The following PDZD8 variants were observed in gnomAD, a reference collection of about 807,000 sequenced individuals.
The protein encoded by PDZD8 is PDZ domain-containing protein 8.
A neutral mutation model predicts 85.8 loss-of-function variants in PDZD8; 14 were observed. The ratio of observed to expected loss-of-function variants is 0.16; its 90% CI spans 0.11 to 0.26. The LOEUF (loss-of-function observed/expected upper bound fraction) is 0.26, where lower values mean the gene tolerates loss of function less well. Ranked by LOEUF, PDZD8 falls within the 10% of genes least tolerant of loss-of-function variation. PDZD8 has a pLI of 1.00. For synonymous variants in PDZD8, 592 were observed against 568.6 expected (o/e 1.04, Z -0.59); for missense variants, 1,197 against 1,424.3 (o/e 0.84, Z 2.57).
At chr10:117,293,784 A>G (rs1286488069) in intron 3 of PDZD8, among the ~76,000 whole-genome samples, 3 of 152,166 alleles carry the variant, frequency 2.0e-5, no homozygotes, top group Admixed American at 6.5e-5. Context: ...TCAAGTGTAC[A>G]TGGTAAGTTC....
At position 117,283,333 on chromosome 10, in the gene PDZD8, G is replaced by A. The variant is rs974534684; in HGVS notation, c.3400C>T (p.Leu1134=). The change falls in exon 5 of 5, where the codon CTA becomes TTA. Residue 1134 remains leucine (L), a synonymous_variant. Transcript: ENST00000334464. ...EEDLDNEISQ[L]IDSQPFSSIS... is the part of the protein sequence containing the mutation. ...CTGCTGAATGGCTGAGAGTCTATTA[G>A]TTGGCTTATTTCATTATCAAGGTCT... 4 of 1,614,088 alleles carry A rather than the reference G, an allele frequency of 2.5e-6. No homozygotes were observed. Among genetic ancestry groups the A allele is most frequent in the African/African-American group, 1.3e-5 (1 of 75,036 alleles).
At chr10:117,346,272 A>G (rs1844707295) in intron 1 of PDZD8, among the ~76,000 whole-genome samples, 1 of 151,426 alleles carries the variant, frequency 6.6e-6, no homozygotes, top group Admixed American at 6.6e-5. Context: ...GTATTATGAC[A>G]ATGTTACACT....
At chr10:117,341,624 T>C (rs117057625) in intron 1 of PDZD8, among the ~76,000 whole-genome samples, 1,719 of 152,312 alleles carry the variant, frequency 0.011, 28 homozygotes, top group Non-Finnish European at 0.013. Context: ...AGATTACTTA[T>C]AATACCTAAT....
intron 3 of PDZD8, among the ~76,000 whole-genome samples, chr10:117,308,591 T>C (rs1843984345): frequency 6.6e-6 from 1 of 152,112 alleles, no homozygotes; most frequent in Admixed American, 6.6e-5. Context: ...TGAAATACCT[T>C]GCTCATAGTC....
At chr10:117,341,141 A>G (rs1296031937) in intron 1 of PDZD8, 39 bp from the exon 2 acceptor site, 1 of 1,597,830 alleles carries the variant, frequency 6.3e-7, no homozygotes, top group Non-Finnish European at 8.6e-7. Flanking sequence ...TCTGAATAAT[A>G]AACACCACAG....
At position 117,283,788 on chromosome 10, in the gene PDZD8, G is replaced by A. The variant is rs148717941; in HGVS notation, c.2945C>T (p.Thr982Met). 6.2e-6 allele frequency: 10 copies of A among 1,614,042 alleles called. No homozygotes were observed. The highest frequency in any genetic ancestry group is 1.6e-4 in the Middle Eastern group (1 of 6,084). ...AGGACTGTTTGGACCACAGACCTCC[G>A]TGTCACTGCCTTCGTTGTCTGACGT... ...PNTSDNEGSD[T>M]EVCGPNSPSK... Residue 982 changes from threonine to methionine, a missense_variant, in exon 5 of 5, where the codon ACG becomes ATG. Transcript: ENST00000334464.
At position 117,278,269 on chromosome 10, in the gene PDZD8, T is replaced by TA. The variant is rs772003710; in HGVS notation, c.*4998dup. 1.4e-4 allele frequency: 22 copies of TA among 152,258 alleles called. No individual in the cohort carries two copies. Among genetic ancestry groups the TA allele is most frequent in the Non-Finnish European group, 2.6e-4 (18 of 68,040 alleles). 9.4% of individuals were successfully genotyped at this position (152,258 alleles called of 1,614,324 possible). On this transcript the variant is annotated 3_prime_UTR_variant, in exon 5 of 5. Transcript: ENST00000334464. ...TAGGTTGTCTGAAACTACTATTTTT[T>TA]AGACTCCTGAAAGTTGTTCACATCA...
intron 4 of PDZD8, among the ~76,000 whole-genome samples, chr10:117,289,515 G>A (rs890548427): frequency 6.6e-6 from 1 of 152,230 alleles, no homozygotes; most frequent in African/African-American, 2.4e-5. Flanking sequence ...TCCCCTCACT[G>A]CTGTGCACAG....
intron 2 of PDZD8, among the ~76,000 whole-genome samples, chr10:117,333,136 A>AAAAAAAAAC (rs1351424513): frequency 6.7e-6 from 1 of 149,546 alleles, no homozygotes; most frequent in African/African-American, 2.4e-5. Context: ...AAAAAAAAAA[A>AAAAAAAAAC]AAAAAAAGGG....
chr10:117,341,930 T>TTGTACTGGC (rs2133847967), intron 1 of PDZD8, among the ~76,000 whole-genome samples: 1 of 152,318 alleles, frequency 6.6e-6, no homozygotes, highest in Admixed American at 6.5e-5. Context: ...GGCAGTATGC[T>TTGTACTGGC]AAGTGCTTTT....
chr10:117,365,123 C>CA (rs11313668), intron 1 of PDZD8, among the ~76,000 whole-genome samples: 36,496 of 148,138 alleles, frequency 0.25, 4,967 homozygotes, highest in Middle Eastern at 0.37. Context: ...AAATATATGC[C>CA]AAAAAAAAAA....
chr10:117,302,736 CAA>C (rs1648495030), intron 3 of PDZD8, among the ~76,000 whole-genome samples: 1 of 152,140 alleles, frequency 6.6e-6, no homozygotes, highest in Admixed American at 6.6e-5. Context: ...GTAATTGAAT[CAA>C]GAGGGCCAGT....
chr10:117,373,778 TCAAAAA>T (rs112790095), intron 1 of PDZD8, among the ~76,000 whole-genome samples: 34,677 of 151,150 alleles, frequency 0.23, 4,576 homozygotes, highest in East Asian at 0.43. Context: ...AGACTCTGTC[TCAAAAA>T]CAAAAACAAA....
chr10:117,285,573 C>G, intron 4 of PDZD8, 102 bp from the exon 5 acceptor site: 1 of 1,175,464 alleles, frequency 8.5e-7, no homozygotes, highest in Non-Finnish European at 1.1e-6. Context: ...GCCATTACCT[C>G]TGGTTATTTA....
At chr10:117,351,556 ACT>A (rs1210054521) in intron 1 of PDZD8, among the ~76,000 whole-genome samples, 8 of 151,906 alleles carry the variant, frequency 5.3e-5, no homozygotes, top group Admixed American at 3.3e-4. Flanking sequence ...TGCTGGTAAC[ACT>A]CTGTTGCTTG....
chr10:117,367,125 G>A (rs574578876), intron 1 of PDZD8, among the ~76,000 whole-genome samples: 1 of 152,234 alleles, frequency 6.6e-6, no homozygotes, highest in South Asian at 2.1e-4. Flanking sequence ...TGAATTTATA[G>A]CCTCCCGGCA....
At chr10:117,302,498 A>T (rs1181781947) in intron 3 of PDZD8, among the ~76,000 whole-genome samples, 1 of 152,258 alleles carries the variant, frequency 6.6e-6, no homozygotes, top group Non-Finnish European at 1.5e-5. Context: ...CACTATATTT[A>T]AACAATTCAT....
At chr10:117,322,211 C>G (rs910979360) in intron 2 of PDZD8, among the ~76,000 whole-genome samples, 2 of 152,094 alleles carry the variant, frequency 1.3e-5, no homozygotes, top group Non-Finnish European at 2.9e-5. Flanking sequence ...AGACTTATAA[C>G]TAAATTAGTT....
chr10:117,303,593 G>A (rs1230176371), intron 3 of PDZD8, among the ~76,000 whole-genome samples: 1 of 152,222 alleles, frequency 6.6e-6, no homozygotes, highest in African/African-American at 2.4e-5. Context: ...ATGTCTCCAG[G>A]CCATATAGAG....
Sources: gnomAD v4.1 joint callset for allele counts (sites outside exome capture counted in the v4.1 genomes callset) on GRCh38, gnomAD v4.1.1 for gene constraint, MANE v1.5 for transcripts, NCBI Gene and HGNC (gene_info 2026-07-23, HGNC 2026-07-21) for gene names.